LHFPL3: variants seen among roughly 807,000 people sequenced by gnomAD.
The protein encoded by LHFPL3 is LHFPL tetraspan subfamily member 3 protein.
In LHFPL3, 5 loss-of-function variants were observed where a neutral mutation model predicts 19.3. That is an observed-to-expected ratio of 0.26 (90% CI 0.14 to 0.54). The LOEUF (loss-of-function observed/expected upper bound fraction) is 0.54, where lower values mean the gene tolerates loss of function less well. Among genes scored for constraint, LHFPL3 ranks in the 20% least tolerant of loss-of-function variants. The probability of loss-of-function intolerance (pLI) is 0.94; values close to 1 mark genes in which losing one functional copy is unlikely to be tolerated. For synonymous variants in LHFPL3, 133 were observed against 126.2 expected (o/e 1.05, Z -0.36); for missense variants, 249 against 307.4 (o/e 0.81, Z 1.42).
intron 1 of LHFPL3, among the ~76,000 whole-genome samples, chr7:104,520,043 T>C (rs949226325): frequency 2.6e-5 from 4 of 151,946 alleles, no homozygotes; most frequent in African/African-American, 4.8e-5. Flanking sequence ...AAGGGAATGC[T>C]TCCAGTTTTT....
intron 1 of LHFPL3, among the ~76,000 whole-genome samples, chr7:104,360,010 G>C (rs967766677): frequency 1.3e-5 from 2 of 152,252 alleles, no homozygotes; most frequent in African/African-American, 2.4e-5. Flanking sequence ...CAAATAGTAA[G>C]TGAGATAGTT....
At chr7:104,553,529 G>T (rs1794700405) in intron 1 of LHFPL3, among the ~76,000 whole-genome samples, 1 of 152,074 alleles carries the variant, frequency 6.6e-6, no homozygotes, top group South Asian at 2.1e-4. Flanking sequence ...TAGCTCTCTT[G>T]GTTGGGTATG....
chr7:104,709,087 A>C (rs1793244261), intron 1 of LHFPL3, among the ~76,000 whole-genome samples: 1 of 151,986 alleles, frequency 6.6e-6, no homozygotes, highest in Non-Finnish European at 1.5e-5. Flanking sequence ...CTAAAGTTCA[A>C]CAACAACAAC....
At chr7:104,331,658 G>A (rs2116344140) in intron 1 of LHFPL3, among the ~76,000 whole-genome samples, 1 of 152,244 alleles carries the variant, frequency 6.6e-6, no homozygotes, top group African/African-American at 2.4e-5. Context: ...TACTTTGAAA[G>A]TTTAGTCTAG....
At chr7:104,571,906 A>AAC (rs1584410221) in intron 1 of LHFPL3, among the ~76,000 whole-genome samples, 1 of 152,144 alleles carries the variant, frequency 6.6e-6, no homozygotes, top group African/African-American at 2.4e-5. Context: ...ACTTTATGTA[A>AAC]ACACACACAC....
intron 2 of LHFPL3, among the ~76,000 whole-genome samples, chr7:104,865,645 C>G (rs1293336352): frequency 2.6e-5 from 4 of 152,186 alleles, no homozygotes; most frequent in African/African-American, 9.7e-5. Context: ...AGTTGGAAAA[C>G]ACTCTGCAGG....
intron 2 of LHFPL3, among the ~76,000 whole-genome samples, chr7:104,750,664 A>T (rs1038386434): frequency 2.6e-5 from 4 of 152,238 alleles, no homozygotes; most frequent in Non-Finnish European, 5.9e-5. Context: ...GACTGCTTGT[A>T]TAGTACATAA....
rs186367995 is a variant in LHFPL3 at position 104,665,465 on chromosome 7, T to C, written c.446-71210T>C. ...GTAACCATATTCAGGCTTTTTTAAC[T>C]ATTAAAAAATTCCAGATATGTCTAA... is the stretch of plus-strand genomic sequence containing the variant. On this transcript the variant is annotated intron_variant, in intron 1 of 2. Transcript: ENST00000424859. 4.5e-4 allele frequency among the ~76,000 whole-genome samples: 69 copies of C among 152,358 alleles called. No individual in the cohort carries two copies. In the East Asian group the frequency reaches 0.012, roughly 27 times the overall value.
At chr7:104,601,097 TC>T (rs1790956082) in intron 1 of LHFPL3, among the ~76,000 whole-genome samples, 1 of 152,190 alleles carries the variant, frequency 6.6e-6, no homozygotes, top group African/African-American at 2.4e-5. Flanking sequence ...TTTTTCCATC[TC>T]CAATTTATTT....
chr7:104,508,387 C>T (rs1382833940), intron 1 of LHFPL3, among the ~76,000 whole-genome samples: 5 of 146,102 alleles, frequency 3.4e-5, no homozygotes, highest in South Asian at 4.4e-4. Context: ...CATATTCTCA[C>T]TCATAGGTGG....
At chr7:104,684,174 C>T (rs557219646) in intron 1 of LHFPL3, among the ~76,000 whole-genome samples, 57 of 152,306 alleles carry the variant, frequency 3.7e-4, no homozygotes, top group Non-Finnish European at 6.5e-4. Flanking sequence ...TCCCTAAAGC[C>T]TCATCTCCTA....
intron 1 of LHFPL3, among the ~76,000 whole-genome samples, chr7:104,586,067 A>G (rs527686101): frequency 1.3e-5 from 2 of 152,254 alleles, no homozygotes; most frequent in South Asian, 4.1e-4. Flanking sequence ...TACGTGAAAA[A>G]TGAATAGAAT....
chr7:104,478,624 G>C (rs1288914844), intron 1 of LHFPL3, among the ~76,000 whole-genome samples: 1 of 152,080 alleles, frequency 6.6e-6, no homozygotes, highest in Admixed American at 6.5e-5. Flanking sequence ...GAAGATCCCT[G>C]GATCTTCTTT....
intron 1 of LHFPL3, among the ~76,000 whole-genome samples, chr7:104,703,947 T>C (rs906936026): frequency 2.0e-5 from 3 of 152,206 alleles, no homozygotes; most frequent in Admixed American, 6.5e-5. Flanking sequence ...ATTTCTCTTT[T>C]AATATATCAC....
chr7:104,387,796 T>A (rs1359861925), intron 1 of LHFPL3, among the ~76,000 whole-genome samples: 1 of 152,160 alleles, frequency 6.6e-6, no homozygotes, highest in Non-Finnish European at 1.5e-5. Context: ...AAAGAGAAAT[T>A]TTTTTTAACT....
At chr7:104,704,377 A>T (rs1793150088) in intron 1 of LHFPL3, among the ~76,000 whole-genome samples, 1 of 152,230 alleles carries the variant, frequency 6.6e-6, no homozygotes, top group Non-Finnish European at 1.5e-5. Context: ...AAACTTGATA[A>T]CATATTAACC....
chr7:104,447,892 C>T (rs964780389), intron 1 of LHFPL3, among the ~76,000 whole-genome samples: 4 of 152,028 alleles, frequency 2.6e-5, no homozygotes, highest in African/African-American at 9.7e-5. Context: ...GTTCAGGACA[C>T]ATGTACTATG....
chr7:104,836,788 A>T (rs532144687), intron 2 of LHFPL3, among the ~76,000 whole-genome samples: 3 of 152,286 alleles, frequency 2.0e-5, no homozygotes, highest in South Asian at 4.1e-4. Context: ...AACAAACTGG[A>T]TCTCAAGAAT....
chr7:104,355,472 C>G (rs1790255309), intron 1 of LHFPL3, among the ~76,000 whole-genome samples: 1 of 152,204 alleles, frequency 6.6e-6, no homozygotes, highest in South Asian at 2.1e-4. Flanking sequence ...GCCAGAGTAA[C>G]TTGAAACTAA....
Sources: allele counts gnomAD v4.1 joint callset (sites outside exome capture counted in the v4.1 genomes callset), GRCh38; gene constraint gnomAD v4.1.1; transcripts MANE v1.5; gene names NCBI Gene and HGNC (gene_info 2026-07-23, HGNC 2026-07-21).